Variants in LBH observed in about 807,000 individuals in gnomAD.
LBH encodes the protein protein LBH.
Under a neutral mutation model 12.5 loss-of-function variants are expected in LBH, and 7 were observed. The ratio of observed to expected loss-of-function variants is 0.56; its 90% CI spans 0.32 to 1.05. The LOEUF is 1.05. Among genes scored for constraint, LBH ranks in the 50% least tolerant of loss-of-function variants. The pLI, the probability that LBH is intolerant of heterozygous loss-of-function variation, is 0.04. For missense variants in LBH, 119 were observed against 138.9 expected (o/e 0.86, Z 0.72); for synonymous variants, 51 against 50.1 (o/e 1.02, Z -0.08).
chr2:30,251,117 C>T (rs1572382957), intron 2 of LBH, among the ~76,000 whole-genome samples: 1 of 140,440 alleles, frequency 7.1e-6, no homozygotes, highest in South Asian at 2.2e-4. Context: ...TGCAATGGCA[C>T]AATCTCTGCT....
At chr2:30,251,050 A>ATTTTTTTTT (rs372791263) in intron 2 of LBH, among the ~76,000 whole-genome samples, 2 of 122,534 alleles carry the variant, frequency 1.6e-5, no homozygotes, top group Non-Finnish European at 3.4e-5. Context: ...TGTCAGTAGA[A>ATTTTTTTTT]TTTTTTTTTT....
intron 1 of LBH, among the ~76,000 whole-genome samples, chr2:30,233,739 T>G (rs1034038673): frequency 6.6e-6 from 1 of 152,264 alleles, no homozygotes; most frequent in African/African-American, 2.4e-5. Flanking sequence ...TTAAGGCTTT[T>G]AATCCAGGGG....
At chr2:30,247,555 A>G (rs1220614453) in intron 2 of LBH, among the ~76,000 whole-genome samples, 1 of 152,116 alleles carries the variant, frequency 6.6e-6, no homozygotes, top group Non-Finnish European at 1.5e-5. Context: ...AATAACTACA[A>G]TTTGTTGGTC....
intron 2 of LBH, among the ~76,000 whole-genome samples, chr2:30,247,192 C>G (rs1261709161): frequency 1.3e-5 from 2 of 152,164 alleles, no homozygotes; most frequent in Non-Finnish European, 2.9e-5. Flanking sequence ...TTTTTGTACA[C>G]TAAAATTCAT....
At position 30,259,891 on chromosome 2, in the gene LBH, A is replaced by C. The variant is rs1678166083; in HGVS notation, c.*2270A>C. 6.6e-6 allele frequency: 1 copy of C among 152,330 alleles called. No homozygotes were observed. Among genetic ancestry groups the C allele is most frequent in the African/African-American group, 2.4e-5 (1 of 41,324 alleles). The allele number at this position is 152,330 out of a possible 1,614,324, so 9.4% of individuals were successfully genotyped here. Reference sequence around the variant, plus strand: ...AAAAAATTCCTAGTATTTCAGTAAAAATGCCTGTTGTGAGATGAACCTCCT... The same window carrying C: ...AAAAAATTCCTAGTATTTCAGTAAACATGCCTGTTGTGAGATGAACCTCCT... On this transcript the variant is annotated 3_prime_UTR_variant, in exon 3 of 3. Coordinates refer to ENST00000395323, the MANE Select transcript of LBH (RefSeq NM_030915.4).
Position 30,234,455 on chromosome 2 carries a change from A to C in LBH, c.77A>C (p.Gln26Pro). 6.2e-7 allele frequency: 1 copy of C among 1,614,186 alleles called. No individual in the cohort carries two copies. ...ATGACTGAGGTGATGATGAACACCCAGCCCATGGAGGAGATCGGCCTCAGC... is the reference window on the plus strand; with the variant it reads ...ATGACTGAGGTGATGATGAACACCCCGCCCATGGAGGAGATCGGCCTCAGC... The part of the protein sequence containing the change: ...AKMTEVMMNT[Q>P]PMEEIGLSPR... The change falls in exon 2 of 3, where the codon CAG (glutamine) becomes CCG (proline). Residue 26 changes from glutamine (Q) to proline (P), a missense_variant. Physicochemically the swap from Gln to Pro is moderately conservative, Grantham distance 76. Coordinates refer to ENST00000395323, the MANE Select transcript of LBH (RefSeq NM_030915.4).
chr2:30,233,724 T>G (rs1002608550), intron 1 of LBH, among the ~76,000 whole-genome samples: 7 of 152,238 alleles, frequency 4.6e-5, no homozygotes, highest in Non-Finnish European at 1.0e-4. Flanking sequence ...CAGAGTCGGG[T>G]ATCCTTAAGG....
chr2:30,234,575 C>T, intron 2 of LBH, 68 bp downstream of exon 2: 1 of 1,186,814 alleles, frequency 8.4e-7, no homozygotes. Flanking sequence ...TGAGGACAGA[C>T]TTGGTTTTGC....
chr2:30,257,452 A>C lies in LBH; in HGVS notation c.149A>C (p.Asp50Ala). Residue 50 changes from aspartate (D) to alanine (A), a missense_variant, in exon 3 of 3, where the codon GAT becomes GCT. Physicochemically the swap from Asp to Ala is moderately radical, Grantham distance 126 (BLOSUM62 -2). Transcript: ENST00000395323. ...LSYQIFPDPS[D>A]FDRCCKLKDR... ...TTTCAGATCTTCCCAGACCCGTCAG[A>C]TTTTGACCGCTGCTGCAAACTGAAG... The C allele has an allele frequency of 6.2e-7, 1 of 1,614,106 alleles. No homozygotes were observed. The highest frequency in any genetic ancestry group is 1.1e-5 in the South Asian group (1 of 91,076).
At chr2:30,236,926 C>T (rs548134616) in intron 2 of LBH, among the ~76,000 whole-genome samples, 3 of 131,076 alleles carry the variant, frequency 2.3e-5, no homozygotes, top group East Asian at 2.4e-4. Flanking sequence ...TGGGCTTGCC[C>T]CTGTTTATGC....
chr2:30,232,132 C>T, intron 1 of LBH: 1 of 1,546,404 alleles, frequency 6.5e-7, no homozygotes, highest in Non-Finnish European at 8.7e-7. Flanking sequence ...CCTGCTCTTC[C>T]CGGGCCCCTC....
At chr2:30,241,711 C>A (rs572289544) in intron 2 of LBH, among the ~76,000 whole-genome samples, 8 of 152,114 alleles carry the variant, frequency 5.3e-5, no homozygotes, top group Non-Finnish European at 8.8e-5. Context: ...GATCCTCCCC[C>A]CTCAGCCTCC....
At position 30,257,552 on chromosome 2, in the gene LBH, G is replaced by A; in HGVS notation, c.249G>A (p.Glu83=). Residue 83 remains glutamate, a synonymous_variant, in exon 3 of 3, where the codon GAG becomes GAA. Coordinates refer to ENST00000395323, the MANE Select transcript of LBH (RefSeq NM_030915.4). ...VESGELRWPP[E]EFLVQEDEQD... Reference sequence around the variant, plus strand: ...GCGGGGAGCTCCGGTGGCCCCCTGAGGAGTTCCTGGTCCAGGAGGATGAGC... The same window carrying A: ...GCGGGGAGCTCCGGTGGCCCCCTGAAGAGTTCCTGGTCCAGGAGGATGAGC... 1.2e-6 allele frequency: 2 copies of A among 1,614,190 alleles called. No individual in the cohort carries two copies. Among genetic ancestry groups the A allele is most frequent in the Non-Finnish European group, 1.7e-6 (2 of 1,180,034 alleles).
At chr2:30,241,138 T>C (rs1385244696) in intron 2 of LBH, among the ~76,000 whole-genome samples, 1 of 152,238 alleles carries the variant, frequency 6.6e-6, no homozygotes, top group African/African-American at 2.4e-5. Context: ...TTTCACTAGA[T>C]GTAGCCCTGC....
rs1030194657 is a variant in LBH at position 30,234,208 on chromosome 2, G to A, written c.27-197G>A. 5.2e-6 allele frequency: 3 copies of A among 574,850 alleles called. No individual in the cohort carries two copies. In the African/African-American group the frequency reaches 5.6e-5, roughly 11 times the overall value. 35.6% of individuals were successfully genotyped at this position (574,850 alleles called of 1,614,324 possible). On this transcript the variant is annotated intron_variant, in intron 1 of 2. Coordinates refer to ENST00000395323, the MANE Select transcript of LBH (RefSeq NM_030915.4). ...GGTCTGCAGACAATGGGCTTTGTCT[G>A]TTGCGGCTGAGCCCTGGGGCTGTGG...
intron 2 of LBH, among the ~76,000 whole-genome samples, chr2:30,238,069 T>G (rs1303325802): frequency 6.6e-6 from 1 of 152,170 alleles, no homozygotes; most frequent in South Asian, 2.1e-4. Flanking sequence ...AGCAGCTGCT[T>G]CTTTGGCTCC....
intron 2 of LBH, among the ~76,000 whole-genome samples, chr2:30,250,991 T>C (rs1558389710): frequency 6.7e-6 from 1 of 150,312 alleles, no homozygotes; most frequent in Admixed American, 6.6e-5. Flanking sequence ...TTTCTATTAA[T>C]AAAAATTAAA....
chr2:30,259,782 T>C lies in LBH; in HGVS notation c.*2161T>C, dbSNP rs1678164327. On this transcript the variant is annotated 3_prime_UTR_variant, in exon 3 of 3. Transcript: ENST00000395323. ...GCCTGCTGGGGGGACCCAGCTGCTCTTGGACAAGTGGCTGAGCTCCTATCT... is the reference window on the plus strand; with the variant it reads ...GCCTGCTGGGGGGACCCAGCTGCTCCTGGACAAGTGGCTGAGCTCCTATCT... 1 of 152,062 alleles carries C rather than the reference T, an allele frequency of 6.6e-6. No homozygotes were observed. The highest frequency in any genetic ancestry group is 6.6e-5 in the Admixed American group (1 of 15,236). 9.4% of individuals were successfully genotyped at this position (152,062 alleles called of 1,614,324 possible).
intron 2 of LBH, among the ~76,000 whole-genome samples, chr2:30,236,243 T>A (rs973796493): frequency 6.6e-6 from 1 of 152,154 alleles, no homozygotes; most frequent in Non-Finnish European, 1.5e-5. Context: ...ATGCTTCGAG[T>A]CCTTCAGGCC....
Sources: allele counts gnomAD v4.1 joint callset (sites outside exome capture counted in the v4.1 genomes callset), GRCh38; gene constraint gnomAD v4.1.1; transcripts MANE v1.5; gene names NCBI Gene and HGNC (gene_info 2026-07-23, HGNC 2026-07-21).